BCOR: variants seen among roughly 807,000 people sequenced by gnomAD.
BCOR encodes the protein BCL-6 corepressor.
BCOR carries 10 observed loss-of-function variants against 86.7 expected under a neutral mutation model. The observed-to-expected ratio is 0.12, with a 90% CI of 0.07 to 0.20. BCOR has a LOEUF of 0.20. BCOR is among the 10% of genes least tolerant of loss of function. BCOR has a pLI of 1.00. For missense variants in BCOR, 1,259 were observed against 1,452.1 expected (o/e 0.87, Z 2.16); for synonymous variants, 611 against 609.0 (o/e 1.00, Z -0.05).
Position 40,072,579 on chromosome X carries a change from G to T in BCOR, c.2767C>A (p.Pro923Thr), listed in dbSNP as rs1469149087. 8.3e-7 allele frequency: 1 copy of T among 1,210,452 alleles called. No homozygotes were observed. The highest frequency in any genetic ancestry group is 1.7e-5 in the African/African-American group (1 of 57,260). Residue 923 changes from proline (P) to threonine (T), a missense_variant, in exon 4 of 15, where the codon CCA (proline) becomes ACA (threonine). Coordinates refer to ENST00000378444, the MANE Select transcript of BCOR (RefSeq NM_001123385.2). ...GGTGGGGCACTGCCCACACAAAATG[G>T]TTTGGGATCCTCTTGGGTTTTACCA... ...TFGKTQEDPK[P>T]FCVGSAPPSV...
chrX:40,075,713 T>C (rs1214440632), intron 3 of BCOR, among the ~76,000 whole-genome samples: 1 of 111,388 alleles, frequency 9.0e-6, no homozygotes, highest in Non-Finnish European at 1.9e-5. Context: ...GAGCCAAGAC[T>C]GCGCCACTGC....
chrX:40,169,700 A>T (rs755150322), intron 1 of BCOR, among the ~76,000 whole-genome samples: 19 of 111,297 alleles, frequency 1.7e-4, no homozygotes, highest in Admixed American at 3.8e-4. Flanking sequence ...CTTTTTACGC[A>T]GATCGAGTCG....
At chrX:40,133,453 CTT>C (rs757749262) in intron 1 of BCOR, among the ~76,000 whole-genome samples, 10 of 85,610 alleles carry the variant, frequency 1.2e-4, no homozygotes, top group African/African-American at 2.1e-4. Context: ...TCAATTTCAA[CTT>C]TTTTTTTTTT....
chrX:40,095,879 G>A (rs1936839766), intron 1 of BCOR, among the ~76,000 whole-genome samples: 1 of 111,209 alleles, frequency 9.0e-6, no homozygotes, highest in Non-Finnish European at 1.9e-5. Flanking sequence ...CCTACACGCT[G>A]CCAGACTCGT....
intron 5 of BCOR, 129 bp downstream of exon 5, chrX:40,071,508 G>GA: frequency 1.9e-6 from 1 of 537,599 alleles, no homozygotes; most frequent in Non-Finnish European, 3.1e-6. Flanking sequence ...AAACACAACA[G>GA]AAAAGAAACA....
At chrX:40,171,502 G>C (rs1240947853) in intron 1 of BCOR, among the ~76,000 whole-genome samples, 1 of 111,694 alleles carries the variant, frequency 9.0e-6, no homozygotes, top group African/African-American at 3.3e-5. Flanking sequence ...CCCATGGGGG[G>C]GGGGCGTAAG....
In BCOR at chrX:40,084,343, C is replaced by T. The variant is rs932787076; in HGVS notation, c.-40-6374G>A. ...GGATAATCTGTCCAGGCCACCCCAC[C>T]GGCTTTTTGTTCTTTTCACTTTCCT... On this transcript the variant is annotated intron_variant, in intron 1 of 14. Transcript: ENST00000378444. 3.6e-5 allele frequency among the ~76,000 whole-genome samples: 4 copies of T among 112,201 alleles called. 1 individual carries two copies. Among genetic ancestry groups the T allele is most frequent in the South Asian group, 7.4e-4 (2 of 2,693 alleles).
Position 40,075,289 on chromosome X carries a change from A to G in BCOR, c.166-109T>C, listed in dbSNP as rs1467344045. 1.1e-5 allele frequency: 6 copies of G among 544,744 alleles called. No homozygotes were observed. The South Asian group carries it at 1.5e-4, about 14-fold the overall frequency. 44.9% of individuals were successfully genotyped at this position (544,744 alleles called of 1,213,427 possible). A position where few individuals can be genotyped will look rare whatever the true frequency, so the allele number is the denominator to read the frequency against. ...GCCATCAGCCTTAACATCCAAGCAC[A>G]AAGGGTTAAAGACAGGCTTCCGGCG... is the stretch of plus-strand genomic sequence containing the variant. On this transcript the variant is annotated intron_variant, in intron 3 of 14. Transcript: ENST00000378444.
chrX:40,168,170 C>G (rs952395281), intron 1 of BCOR, among the ~76,000 whole-genome samples: 3 of 113,240 alleles, frequency 2.6e-5, no homozygotes, highest in Non-Finnish European at 5.6e-5. Flanking sequence ...CCTGCCCCCT[C>G]TTTTAAAGAG....
Position 40,064,550 on chromosome X carries a change from C to T in BCOR, c.3288G>A (p.Glu1096=), listed in dbSNP as rs1169020837. 9 of 1,211,796 alleles carry T rather than the reference C, an allele frequency of 7.4e-6. No individual in the cohort carries two copies. The highest frequency in any genetic ancestry group is 1.0e-5 in the Non-Finnish European group (9 of 895,320). The change falls in exon 7 of 15, where the codon GAG becomes GAA. Residue 1096 remains glutamate (E), a synonymous_variant. Transcript: ENST00000378444. ...ACTTCTCCACAGGAAGATCTTTGTCCTCTGGGGCTTCAAAGGGATCACGGT... is the reference window on the plus strand; with the variant it reads ...ACTTCTCCACAGGAAGATCTTTGTCTTCTGGGGCTTCAAAGGGATCACGGT... ...NKHRDPFEAP[E]DKDLPVEKYF... is the part of the protein sequence containing the mutation.
At chrX:40,145,286 C>T (rs1938020467) in intron 1 of BCOR, among the ~76,000 whole-genome samples, 5 of 111,971 alleles carry the variant, frequency 4.5e-5, no homozygotes, top group Admixed American at 3.7e-4. Context: ...TCCGCGCGAA[C>T]CCGCGGCGCC....
intron 1 of BCOR, among the ~76,000 whole-genome samples, chrX:40,176,555 C>G (rs1400620059): frequency 8.9e-6 from 1 of 112,875 alleles, no homozygotes; most frequent in Non-Finnish European, 1.9e-5. Flanking sequence ...CGGTTCCGCT[C>G]TCGCCCCGGG....
At chrX:40,164,870 G>A (rs1387270067) in intron 1 of BCOR, among the ~76,000 whole-genome samples, 4 of 112,190 alleles carry the variant, frequency 3.6e-5, no homozygotes, top group Non-Finnish European at 7.5e-5. Flanking sequence ...CAAATGCCAT[G>A]AGCTTCCATT....
At chrX:40,160,104 T>C (rs928768409) in intron 1 of BCOR, among the ~76,000 whole-genome samples, 1 of 110,955 alleles carries the variant, frequency 9.0e-6, no homozygotes, top group African/African-American at 3.3e-5. Flanking sequence ...ATGGTTGACA[T>C]GGATTACTTT....
At chrX:40,081,494 G>C (rs1320886058) in intron 1 of BCOR, among the ~76,000 whole-genome samples, 1 of 112,599 alleles carries the variant, frequency 8.9e-6, no homozygotes, top group Non-Finnish European at 1.9e-5. Flanking sequence ...CTTGGCAGCG[G>C]AACACTGTGG....
At chrX:40,104,254 G>A (rs1199302859) in intron 1 of BCOR, among the ~76,000 whole-genome samples, 4 of 111,236 alleles carry the variant, frequency 3.6e-5, no homozygotes, top group Non-Finnish European at 7.6e-5. Context: ...TACTTGGGAG[G>A]GTCATATAAC....
Position 40,073,589 on chromosome X carries a change from C to T in BCOR, c.1757G>A (p.Ser586Asn), listed in dbSNP as rs867271265. Residue 586 changes from serine (S) to asparagine (N), a missense_variant, in exon 4 of 15, where the codon AGC becomes AAC. This residue lies in a region of BCOR where 534 missense variants were observed against 594.8 expected (regional missense o/e 0.90). Coordinates refer to ENST00000378444, the MANE Select transcript of BCOR (RefSeq NM_001123385.2). ...AACGGATGGTGTGGTTTCTACAGAG[C>T]TCCTGCTGGTTTTGGTGCCATCTGC... ...ANADGTKTSR[S>N]SVETTPSVIQ... 1 of 1,212,187 alleles carries T rather than the reference C, an allele frequency of 8.2e-7. No homozygotes were observed. Among genetic ancestry groups the T allele is most frequent in the African/African-American group, 1.7e-5 (1 of 57,986 alleles).
At chrX:40,156,399 G>A (rs1938295543) in intron 1 of BCOR, among the ~76,000 whole-genome samples, 1 of 112,037 alleles carries the variant, frequency 8.9e-6, no homozygotes, top group Non-Finnish European at 1.9e-5. Flanking sequence ...GGGCGGCACA[G>A]CAGCGGCAGG....
intron 1 of BCOR, among the ~76,000 whole-genome samples, chrX:40,176,391 C>A (rs1478642203): frequency 1.8e-5 from 2 of 112,953 alleles, no homozygotes; most frequent in Admixed American, 9.2e-5. Context: ...CCCCGCGGGC[C>A]CCCCCGCCAT....
Sources: allele counts gnomAD v4.1 joint callset (sites outside exome capture counted in the v4.1 genomes callset), GRCh38; gene constraint gnomAD v4.1.1; regional missense constraint gnomAD v4.1.1; transcripts MANE v1.5; gene names NCBI Gene and HGNC (gene_info 2026-07-23, HGNC 2026-07-21).